The following LRMDA variants were observed in gnomAD, a reference collection of about 807,000 sequenced individuals.
LRMDA encodes leucine rich melanocyte differentiation associated.
A neutral mutation model predicts 29.8 loss-of-function variants in LRMDA; 18 were observed. That is an observed-to-expected ratio of 0.60 (90% CI 0.42 to 0.90). LRMDA has a LOEUF of 0.90. LRMDA is among the 40% of genes least tolerant of loss of function. LRMDA has a pLI of 0.00. For synonymous variants in LRMDA, 125 were observed against 109.4 expected, an observed-to-expected ratio of 1.14 and a Z score of -0.89; for missense variants, 273 against 273.9, an observed-to-expected ratio of 1.00 and a Z score of 0.02.
At chr10:75,837,943 GACATGTCCTAAAGGCTTTTT>G (rs1234679911) in intron 2 of LRMDA, among the ~76,000 whole-genome samples, 1 of 152,074 alleles carries the variant, frequency 6.6e-6, no homozygotes, top group African/African-American at 2.4e-5. Flanking sequence ...TTGTTGGGTA[GACATGTCCTAAAGGCTTTTT>G]GTACCCGATC....
intron 2 of LRMDA, among the ~76,000 whole-genome samples, chr10:75,586,641 G>A (rs1411962377): frequency 6.6e-6 from 1 of 152,038 alleles, no homozygotes; most frequent in Non-Finnish European, 1.5e-5. Context: ...TGTCTGGCCT[G>A]TCTTTTGTTT....
At chr10:75,983,007 C>T (rs914904840) in intron 2 of LRMDA, among the ~76,000 whole-genome samples, 2 of 152,174 alleles carry the variant, frequency 1.3e-5, no homozygotes, top group Non-Finnish European at 2.9e-5. Context: ...ACATAGCCCA[C>T]ATGGACCAGG....
rs61866892 is a variant in LRMDA at position 76,424,038 on chromosome 10, G to C, written c.601+99553G>C. 5.9e-3 allele frequency among the ~76,000 whole-genome samples: 896 copies of C among 152,280 alleles called. 4 individuals are homozygous for C. The highest frequency in any genetic ancestry group is 9.4e-3 in the Non-Finnish European group (638 of 68,026). The stretch of plus-strand genomic sequence containing the variant: ...ACCTTCTATATGGAGTTGTGTTCTG[G>C]TCTTAAGGGACTTACCCTTCCATTC... On this transcript the variant is annotated intron_variant, in intron 6 of 6. Transcript: ENST00000611255.
At chr10:75,588,302 G>A (rs1840680176) in intron 2 of LRMDA, among the ~76,000 whole-genome samples, 5 of 152,176 alleles carry the variant, frequency 3.3e-5, no homozygotes, top group Admixed American at 3.3e-4. Flanking sequence ...GAAAACAAGA[G>A]GACTTGGGAA....
intron 5 of LRMDA, among the ~76,000 whole-genome samples, chr10:76,278,884 A>T (rs1045383790): frequency 2.6e-5 from 4 of 152,192 alleles, no homozygotes; most frequent in African/African-American, 7.2e-5. Context: ...CTCAAAAACT[A>T]TTGTTGCTGG....
In LRMDA at chr10:76,166,866, C is replaced by T. The variant is rs539266744; in HGVS notation, c.516+108083C>T. Among the ~76,000 whole-genome samples the T allele has an allele frequency of 3.3e-5, 5 of 152,250 alleles. No individual in the cohort carries two copies. In the South Asian group the frequency reaches 1.0e-3, roughly 32 times the overall value. On this transcript the variant is annotated intron_variant, in intron 5 of 6. Coordinates refer to ENST00000611255, the MANE Select transcript of LRMDA (RefSeq NM_001305581.2). ...TATTTTTAGCTCTTTGAGAAATCAC[C>T]ACACTGCTTTCCACAATGGTTGAAC...
In LRMDA at chr10:75,504,315, C is replaced by A. The variant is rs77868262; in HGVS notation, c.131+65821C>A. On this transcript the variant is annotated intron_variant, in intron 2 of 6. Coordinates refer to ENST00000611255, the MANE Select transcript of LRMDA (RefSeq NM_001305581.2). ...CATATTTGTTGAGTGCCTCTATGTG[C>A]CATGCATTATGCTGGGTGCTAGGGA... is the stretch of plus-strand genomic sequence containing the variant. Among the ~76,000 whole-genome samples, 932 of 151,942 alleles carry A rather than the reference C, an allele frequency of 6.1e-3. 17 individuals are homozygous for A. The highest frequency in any genetic ancestry group is 0.021 in the African/African-American group (885 of 41,414).
intron 3 of LRMDA, among the ~76,000 whole-genome samples, chr10:76,043,515 C>T (rs1848374954): frequency 6.6e-6 from 1 of 151,286 alleles, no homozygotes; most frequent in South Asian, 2.1e-4. Flanking sequence ...ACAGTGATCT[C>T]CACAGATTAT....
At chr10:76,501,847 A>G (rs1157250469) in intron 6 of LRMDA, among the ~76,000 whole-genome samples, 2 of 151,810 alleles carry the variant, frequency 1.3e-5, no homozygotes, top group Non-Finnish European at 2.9e-5. Flanking sequence ...TGTTGTACAG[A>G]AGTTCTTTCG....
At chr10:76,510,428 A>G (rs1043155174) in intron 6 of LRMDA, among the ~76,000 whole-genome samples, 5 of 151,976 alleles carry the variant, frequency 3.3e-5, no homozygotes, top group Non-Finnish European at 7.4e-5. Context: ...TTTTGGGAAC[A>G]TGATTCAGAA....
intron 5 of LRMDA, among the ~76,000 whole-genome samples, chr10:76,264,770 T>G (rs1231154308): frequency 1.3e-5 from 2 of 152,184 alleles, no homozygotes; most frequent in Non-Finnish European, 1.5e-5. Flanking sequence ...TAATGGGACA[T>G]TATAGTACTA....
intron 2 of LRMDA, among the ~76,000 whole-genome samples, chr10:75,602,873 T>C (rs1480812402): frequency 6.6e-6 from 1 of 152,198 alleles, no homozygotes; most frequent in Admixed American, 6.5e-5. Context: ...AAGCAATTTG[T>C]TGTGAAAGAA....
At chr10:75,925,604 A>AGTTGAT (rs1487592759) in intron 2 of LRMDA, among the ~76,000 whole-genome samples, 304 of 9,686 alleles carry the variant, frequency 0.031, 3 homozygotes, top group African/African-American at 0.12. Context: ...TGGAGGAAGA[A>AGTTGAT]GGTGATGGTG....
chr10:75,642,246 C>A (rs1476398397), intron 2 of LRMDA, among the ~76,000 whole-genome samples: 1 of 152,196 alleles, frequency 6.6e-6, no homozygotes, highest in African/African-American at 2.4e-5. Flanking sequence ...GAGCCTCAGT[C>A]TCAAGTCCTA....
At chr10:76,499,276 C>T (rs1842895841) in intron 6 of LRMDA, among the ~76,000 whole-genome samples, 1 of 74,480 alleles carries the variant, frequency 1.3e-5, no homozygotes. Context: ...CAACCCCTGT[C>T]AAGTACTAAT....
At chr10:75,575,344 A>T (rs541615237) in intron 2 of LRMDA, among the ~76,000 whole-genome samples, 100 of 152,334 alleles carry the variant, frequency 6.6e-4, no homozygotes, top group South Asian at 3.1e-3. Context: ...GTCTTAACTC[A>T]TTCCAGCATT....
chr10:75,721,181 T>G (rs1473453561), intron 2 of LRMDA, among the ~76,000 whole-genome samples: 2 of 152,222 alleles, frequency 1.3e-5, no homozygotes, highest in Non-Finnish European at 1.5e-5. Flanking sequence ...CCAAACAGTT[T>G]CAAAGCCATC....
intron 2 of LRMDA, among the ~76,000 whole-genome samples, chr10:75,623,121 A>C (rs1841208496): frequency 6.6e-6 from 1 of 152,258 alleles, no homozygotes; most frequent in South Asian, 2.1e-4. Flanking sequence ...TAAAGCAAAC[A>C]GTGAGACTAG....
chr10:75,839,354 CCTTT>C (rs1844495319), intron 2 of LRMDA, among the ~76,000 whole-genome samples: 1 of 152,120 alleles, frequency 6.6e-6, no homozygotes, highest in African/African-American at 2.4e-5. Context: ...TGAAGGTGAT[CCTTT>C]CTTTTTATTT....
Sources: gnomAD v4.1 joint callset for allele counts (sites outside exome capture counted in the v4.1 genomes callset) on GRCh38, gnomAD v4.1.1 for gene constraint, MANE v1.5 for transcripts, NCBI Gene and HGNC (gene_info 2026-07-23, HGNC 2026-07-21) for gene names.